RAC1: variants seen among roughly 807,000 people sequenced by gnomAD.
The protein encoded by RAC1 is ras-related C3 botulinum toxin substrate 1.
Under a neutral mutation model 25.2 loss-of-function variants are expected in RAC1, and 2 were observed. The observed-to-expected ratio is 0.08, with a 90% CI of 0.03 to 0.25. The LOEUF (loss-of-function observed/expected upper bound fraction) is 0.25. RAC1 is among the 10% of genes least tolerant of loss of function. RAC1 has a pLI of 1.00. For synonymous variants in RAC1, 88 were observed against 94.0 expected (o/e 0.94, Z 0.37); for missense variants, 50 against 235.7 (o/e 0.21, Z 5.16).
At chr7:6,402,281 G>T (rs200222012) in intron 5 of RAC1, 35 bp from the exon 6 acceptor site, 2 of 1,573,408 alleles carry the variant, frequency 1.3e-6, no homozygotes, top group Admixed American at 1.9e-5. Flanking sequence ...GAGTGGGGTC[G>T]AGTGTACATT....
chr7:6,381,016 C>T (rs1366997565), intron 1 of RAC1, among the ~76,000 whole-genome samples: 1 of 151,718 alleles, frequency 6.6e-6, no homozygotes, highest in African/African-American at 2.4e-5. Flanking sequence ...TTACAGGCAC[C>T]CACCACCATG....
intron 3 of RAC1, among the ~76,000 whole-genome samples, chr7:6,395,071 G>A (rs933926114): frequency 1.3e-5 from 2 of 152,088 alleles, no homozygotes; most frequent in African/African-American, 2.4e-5. Flanking sequence ...AGCCAGGATG[G>A]TCTTGATCTC....
intron 3 of RAC1, among the ~76,000 whole-genome samples, chr7:6,394,616 G>A (rs1347658681): frequency 6.6e-6 from 1 of 152,176 alleles, no homozygotes; most frequent in East Asian, 1.9e-4. Flanking sequence ...CCATGTTGGG[G>A]TCAGCCAGGA....
chr7:6,398,601 TA>T, intron 3 of RAC1: 2 of 1,394,548 alleles, frequency 1.4e-6, no homozygotes, highest in South Asian at 2.4e-5. Context: ...TAAGAGGTTA[TA>T]TTGATTTTTG....
intron 3 of RAC1, among the ~76,000 whole-genome samples, chr7:6,399,042 G>T (rs1783326416): frequency 6.6e-6 from 1 of 152,208 alleles, no homozygotes; most frequent in Non-Finnish European, 1.5e-5. Flanking sequence ...AGCCGAGCCG[G>T]AGCAGGACTA....
intron 2 of RAC1, among the ~76,000 whole-genome samples, chr7:6,387,990 A>G (rs950481654): frequency 2.0e-5 from 3 of 152,138 alleles, no homozygotes; most frequent in Non-Finnish European, 4.4e-5. Context: ...GCCTTTTCTG[A>G]TAAGTCATCA....
intron 2 of RAC1, 55 bp from the exon 3 acceptor site, chr7:6,391,869 G>A (rs1032239789): frequency 6.2e-7 from 1 of 1,612,106 alleles, no homozygotes; most frequent in Non-Finnish European, 8.5e-7. Context: ...AGGATGGCTG[G>A]GACAGTGACT....
rs1032262122 is a variant in RAC1, at chr7:6,387,202, T to C, written c.36-10T>C. 7.8e-6 allele frequency: 12 copies of C among 1,544,354 alleles called. No individual in the cohort carries two copies. In the African/African-American group the frequency reaches 9.9e-5, roughly 13 times the overall value. On this transcript the variant is annotated splice_polypyrimidine_tract_variant and intron_variant, in intron 1 of 5. Transcript: ENST00000348035. ...GTTGACTAAGCAACCTTTTTTCTCTTTCTCTTTAGAGCTGTAGGTAAAACT... is the reference window on the plus strand; with the variant it reads ...GTTGACTAAGCAACCTTTTTTCTCTCTCTCTTTAGAGCTGTAGGTAAAACT...
In RAC1 at chr7:6,402,526, A is replaced by AAAAAAC. The variant is rs1562471618; in HGVS notation, c.*85_*86insCAAAAA. The AAAAAAC allele has an allele frequency of 1.1e-4, 77 of 703,972 alleles. 2 individuals are homozygous for AAAAAAC. The highest frequency in any genetic ancestry group is 7.4e-4 in the African/African-American group (33 of 44,392). The allele number at this position is 703,972 out of a possible 1,614,324, so 43.6% of individuals were successfully genotyped here. On this transcript the variant is annotated 3_prime_UTR_variant, in exon 6 of 6. Transcript: ENST00000348035. ...TCAAAAAAAAACAAAAAAAAAAAAC[A>AAAAAAC]AAAAAAAAAAACAACGGTGGAGCCT...
Position 6,401,916 on chromosome 7 carries a change from G to C in RAC1, c.337G>C (p.Val113Leu). 1 of 1,614,094 alleles carries C rather than the reference G, an allele frequency of 6.2e-7. No individual in the cohort carries two copies. Among genetic ancestry groups the C allele is most frequent in the Non-Finnish European group, 8.5e-7 (1 of 1,179,954 alleles). Residue 113 changes from valine to leucine, a missense_variant, in exon 5 of 6, where the codon GTG (valine) becomes CTG (leucine). Val to Leu is a conservative substitution (Grantham distance 32, BLOSUM62 1). Coordinates refer to ENST00000348035, the MANE Select transcript of RAC1 (RefSeq NM_006908.5). ...HHCPNTPIIL[V>L]GTKLDLRDDK... ...CTGTCCCAACACTCCCATCATCCTA[G>C]TGGGAACTAAACTTGATCTTAGGGA...
intron 1 of RAC1, among the ~76,000 whole-genome samples, chr7:6,378,525 G>A (rs189382019): frequency 2.0e-5 from 3 of 151,458 alleles, no homozygotes; most frequent in Non-Finnish European, 2.9e-5. Context: ...CAGCCTGGGC[G>A]ACAAGAGCAA....
At chr7:6,398,957 CAG>C (rs1225908965) in intron 3 of RAC1, among the ~76,000 whole-genome samples, 2 of 152,210 alleles carry the variant, frequency 1.3e-5, no homozygotes, top group East Asian at 1.9e-4. Flanking sequence ...AAGGAGGGGA[CAG>C]TGAGAGGGCC....
intron 4 of RAC1, among the ~76,000 whole-genome samples, chr7:6,400,736 C>T (rs909134533): frequency 2.6e-5 from 4 of 152,026 alleles, no homozygotes; most frequent in Non-Finnish European, 4.4e-5. Context: ...AGTGCAGTGA[C>T]GCAATCTTGG....
At chr7:6,383,378 TAAAG>T (rs920519180) in intron 1 of RAC1, among the ~76,000 whole-genome samples, 6 of 152,158 alleles carry the variant, frequency 3.9e-5, no homozygotes, top group African/African-American at 7.2e-5. Flanking sequence ...TCAGAAGACT[TAAAG>T]AGGAGTCGAT....
chr7:6,389,006 A>G (rs1016324519), intron 2 of RAC1, among the ~76,000 whole-genome samples: 1 of 151,080 alleles, frequency 6.6e-6, no homozygotes, highest in African/African-American at 2.4e-5. Flanking sequence ...TTCGAGACCA[A>G]CCTGGCCAAC....
intron 1 of RAC1, among the ~76,000 whole-genome samples, chr7:6,381,577 T>C (rs1447918368): frequency 6.8e-6 from 1 of 146,746 alleles, no homozygotes; most frequent in Non-Finnish European, 1.5e-5. Context: ...TGTATTTTAG[T>C]AGAGACGGGG....
chr7:6,401,859 C>G lies in RAC1; in HGVS notation c.289-9C>G, dbSNP rs373206025. On this transcript the variant is annotated splice_polypyrimidine_tract_variant and intron_variant, in intron 4 of 5. Coordinates refer to ENST00000348035, the MANE Select transcript of RAC1 (RefSeq NM_006908.5). The stretch of plus-strand genomic sequence containing the variant: ...CGTGTCACAACCTCTGTTCCTTCTT[C>G]ACATCTAGTGGTATCCTGAGGTGCG... The G allele has an allele frequency of 6.2e-7, 1 of 1,608,992 alleles. No homozygotes were observed. The highest frequency in any genetic ancestry group is 1.1e-5 in the South Asian group (1 of 90,546).
intron 3 of RAC1, among the ~76,000 whole-genome samples, chr7:6,397,841 T>C (rs561188872): frequency 6.6e-6 from 1 of 151,996 alleles, no homozygotes; most frequent in East Asian, 1.9e-4. Flanking sequence ...TACAAAAAAT[T>C]AGCTGGGCGT....
chr7:6,400,261 C>G lies in RAC1; in HGVS notation c.288+73C>G, dbSNP rs138561775. The stretch of plus-strand genomic sequence containing the variant: ...CAGAAATAAATACTTTAAAATATCA[C>G]TTAGCCTAGGAATTTTTAGTTATTT... On this transcript the variant is annotated intron_variant, in intron 4 of 5. Transcript: ENST00000348035. 3,217 of 1,381,852 alleles carry G rather than the reference C, an allele frequency of 2.3e-3. 17 individuals are homozygous for G. The highest frequency in any genetic ancestry group is 0.015 in the East Asian group (675 of 43,650). 85.6% of individuals were successfully genotyped at this position (1,381,852 alleles called of 1,614,324 possible).
Sources: allele counts gnomAD v4.1 joint callset (sites outside exome capture counted in the v4.1 genomes callset), GRCh38; gene constraint gnomAD v4.1.1; transcripts MANE v1.5; gene names NCBI Gene and HGNC (gene_info 2026-07-23, HGNC 2026-07-21).